BMPER: variants seen among roughly 807,000 people sequenced by gnomAD.
BMPER encodes the protein BMP-binding endothelial regulator protein.
BMPER carries 45 observed loss-of-function variants against 87.3 expected under a neutral mutation model. That is an observed-to-expected ratio of 0.52 (90% CI 0.41 to 0.66). The LOEUF (loss-of-function observed/expected upper bound fraction) is 0.66, where lower values mean the gene tolerates loss of function less well. Ranked by LOEUF, BMPER falls within the 30% of genes least tolerant of loss-of-function variation. The pLI is 0.00. For missense variants in BMPER, 784 were observed against 867.5 expected (o/e 0.90, Z 1.21); for synonymous variants, 326 against 316.2 (o/e 1.03, Z -0.33).
chr7:34,134,131 C>G (rs899548697), intron 13 of BMPER, among the ~76,000 whole-genome samples: 1 of 152,130 alleles, frequency 6.6e-6, no homozygotes, highest in Non-Finnish European at 1.5e-5. Context: ...CCCTTCTTGG[C>G]AGGCATCAGG....
chr7:34,040,880 C>G (rs1252020289), intron 6 of BMPER, among the ~76,000 whole-genome samples: 1 of 151,410 alleles, frequency 6.6e-6, no homozygotes, highest in Non-Finnish European at 1.5e-5. Context: ...AGGAAAAAGC[C>G]CTGGAGGCAA....
At chr7:33,945,555 G>A (rs1009139864) in intron 3 of BMPER, among the ~76,000 whole-genome samples, 1 of 152,028 alleles carries the variant, frequency 6.6e-6, no homozygotes, top group Non-Finnish European at 1.5e-5. Context: ...CCTGGCCAGT[G>A]TTACTGCTTT....
intron 6 of BMPER, among the ~76,000 whole-genome samples, chr7:33,991,033 GA>G (rs1185310734): frequency 6.9e-6 from 1 of 144,690 alleles, no homozygotes; most frequent in Non-Finnish European, 1.5e-5. Context: ...TTTTATTGAG[GA>G]TTTTTGCATC....
intron 12 of BMPER, among the ~76,000 whole-genome samples, chr7:34,083,095 A>G (rs1241635662): frequency 1.3e-5 from 2 of 152,252 alleles, no homozygotes; most frequent in African/African-American, 4.8e-5. Context: ...CATGAAACTC[A>G]CAATGTCTTT....
chr7:34,005,411 C>T (rs925502747), intron 6 of BMPER, among the ~76,000 whole-genome samples: 67 of 152,024 alleles, frequency 4.4e-4, no homozygotes, highest in African/African-American at 1.6e-3. Flanking sequence ...CTTCTTTTAA[C>T]TTTGATAGCT....
At chr7:34,141,856 G>T (rs1018218565) in intron 13 of BMPER, among the ~76,000 whole-genome samples, 7 of 152,066 alleles carry the variant, frequency 4.6e-5, no homozygotes, top group Admixed American at 4.6e-4. Context: ...TGGGTCTGTT[G>T]CTCCTTGAAT....
At chr7:33,929,940 G>C (rs184655042) in intron 2 of BMPER, among the ~76,000 whole-genome samples, 1 of 152,328 alleles carries the variant, frequency 6.6e-6, no homozygotes, top group East Asian at 1.9e-4. Flanking sequence ...GATCAGCTTT[G>C]TTTGTGGCCC....
intron 13 of BMPER, among the ~76,000 whole-genome samples, chr7:34,115,733 A>G (rs1790101891): frequency 6.6e-6 from 1 of 152,194 alleles, no homozygotes; most frequent in Admixed American, 6.5e-5. Context: ...TTATCCATTC[A>G]TTGTTTGATG....
intron 3 of BMPER, among the ~76,000 whole-genome samples, chr7:33,955,351 C>A (rs185954435): frequency 6.6e-6 from 1 of 152,184 alleles, no homozygotes; most frequent in East Asian, 1.9e-4. Flanking sequence ...CTCTGTACAA[C>A]GTTGCGCTGT....
At chr7:34,135,909 G>A (rs1254499207) in intron 13 of BMPER, among the ~76,000 whole-genome samples, 2 of 152,076 alleles carry the variant, frequency 1.3e-5, no homozygotes, top group East Asian at 1.9e-4. Flanking sequence ...CTGAACCGGA[G>A]ATAACTTTTA....
At chr7:34,120,122 C>T (rs1185993285) in intron 13 of BMPER, among the ~76,000 whole-genome samples, 2 of 152,172 alleles carry the variant, frequency 1.3e-5, no homozygotes, top group Admixed American at 1.3e-4. Flanking sequence ...TAACACACTT[C>T]TCTCAGAAAT....
intron 2 of BMPER, among the ~76,000 whole-genome samples, chr7:33,929,515 G>A (rs1214480134): frequency 6.6e-6 from 1 of 152,156 alleles, no homozygotes; most frequent in East Asian, 1.9e-4. Context: ...AAAGCACCAA[G>A]GTTTATAAAG....
chr7:34,011,014 G>A (rs1389493656), intron 6 of BMPER, among the ~76,000 whole-genome samples: 1 of 151,794 alleles, frequency 6.6e-6, no homozygotes, highest in Non-Finnish European at 1.5e-5. Context: ...TGAAGTTTAA[G>A]TTCTGGTTAA....
chr7:33,928,710 C>A (rs1784417027), intron 2 of BMPER, among the ~76,000 whole-genome samples: 1 of 133,214 alleles, frequency 7.5e-6, no homozygotes, highest in African/African-American at 2.8e-5. Flanking sequence ...ATCCCTCCAA[C>A]AAACTAAAGC....
chr7:33,932,780 A>C (rs1039433098), intron 2 of BMPER, among the ~76,000 whole-genome samples: 1 of 152,162 alleles, frequency 6.6e-6, no homozygotes, highest in African/African-American at 2.4e-5. Context: ...ATTCCATAAT[A>C]GGATTGGTTC....
chr7:34,048,509 T>C (rs542010160), intron 7 of BMPER, among the ~76,000 whole-genome samples: 2 of 152,300 alleles, frequency 1.3e-5, no homozygotes, highest in South Asian at 4.1e-4. Flanking sequence ...GCCAGTTCAG[T>C]GTGGCACAAA....
At chr7:33,922,603 C>T (rs1256802284) in intron 2 of BMPER, among the ~76,000 whole-genome samples, 1 of 152,148 alleles carries the variant, frequency 6.6e-6, no homozygotes, top group Non-Finnish European at 1.5e-5. Flanking sequence ...GCTTTACTGG[C>T]CCAACCAGAA....
intron 13 of BMPER, among the ~76,000 whole-genome samples, chr7:34,091,975 T>C (rs1232000612): frequency 6.6e-6 from 1 of 152,206 alleles, no homozygotes; most frequent in African/African-American, 2.4e-5. Flanking sequence ...TCTTCTTTTT[T>C]GACCCTTTTG....
intron 6 of BMPER, among the ~76,000 whole-genome samples, chr7:34,012,203 A>T (rs920002964): frequency 1.3e-5 from 2 of 151,962 alleles, no homozygotes; most frequent in Non-Finnish European, 2.9e-5. Flanking sequence ...CAGAGACTAG[A>T]TGACTCTCAT....
Sources: allele counts gnomAD v4.1 joint callset (sites outside exome capture counted in the v4.1 genomes callset), GRCh38; gene constraint gnomAD v4.1.1; transcripts MANE v1.5; gene names NCBI Gene and HGNC (gene_info 2026-07-23, HGNC 2026-07-21).